ZFP64: variants seen among roughly 807,000 people sequenced by gnomAD.
ZFP64 encodes the protein zinc finger protein 64.
In ZFP64, 14 loss-of-function variants were observed where a neutral mutation model predicts 51.6. That is an observed-to-expected ratio of 0.27 (90% CI 0.18 to 0.42). The LOEUF (loss-of-function observed/expected upper bound fraction) is 0.42. Among genes scored for constraint, ZFP64 ranks in the 10% least tolerant of loss-of-function variants. ZFP64 has a pLI of 1.00. For missense variants in ZFP64, 754 were observed against 906.8 expected (o/e 0.83, Z 2.16); for synonymous variants, 375 against 361.4 (o/e 1.04, Z -0.43).
At chr20:52,096,271 G>T (rs554134246) in intron 7 of ZFP64, among the ~76,000 whole-genome samples, 2 of 152,282 alleles carry the variant, frequency 1.3e-5, no homozygotes, top group African/African-American at 4.8e-5. Context: ...GGTCACAAGG[G>T]CCGCTGCTTC....
chr20:52,178,493 A>G (rs186577826), intron 2 of ZFP64, among the ~76,000 whole-genome samples: 6 of 152,308 alleles, frequency 3.9e-5, no homozygotes, highest in Non-Finnish European at 2.9e-5. Context: ...AGAATTTGCT[A>G]TTATTGTTTC....
chr20:52,102,262 G>T (rs933413955), intron 5 of ZFP64, among the ~76,000 whole-genome samples: 2 of 152,274 alleles, frequency 1.3e-5, no homozygotes, highest in Admixed American at 1.3e-4. Context: ...ACGTCAGCGT[G>T]TATCAGAATT....
chr20:52,100,809 A>T (rs2079042552), intron 5 of ZFP64, among the ~76,000 whole-genome samples: 1 of 152,212 alleles, frequency 6.6e-6, no homozygotes, highest in Non-Finnish European at 1.5e-5. Context: ...GCAAAAGGAG[A>T]TTACATGCCT....
intron 5 of ZFP64, among the ~76,000 whole-genome samples, chr20:52,103,213 CTCAG>C (rs2079072247): frequency 6.6e-6 from 1 of 152,158 alleles, no homozygotes; most frequent in Non-Finnish European, 1.5e-5. Context: ...ATGATGTTCC[CTCAG>C]TAAGGTTCCT....
Position 52,085,097 on chromosome 20 carries a change from G to A in ZFP64, c.1398C>T (p.Thr466=), listed in dbSNP as rs1294970852. The A allele has an allele frequency of 3.1e-6, 5 of 1,614,268 alleles. No homozygotes were observed. Among genetic ancestry groups the A allele is most frequent in the Non-Finnish European group, 4.2e-6 (5 of 1,180,056 alleles). The stretch of plus-strand genomic sequence containing the variant: ...GGAAGGCACAGTGCAGACATTTGAA[G>A]GTGTGCTTGATGCGGATGTGCGATT... The change falls in exon 9 of 9, where the codon ACC becomes ACT. Residue 466 remains threonine (T), a synonymous_variant. Transcript: ENST00000361387. The surrounding 1 kb of genome is among the most constrained non-coding windows in gnomAD (Gnocchi z 4.3).
chr20:52,084,707 T>A lies in ZFP64; in HGVS notation c.1788A>T (p.Arg596Ser), dbSNP rs747079054. 3 of 1,614,218 alleles carry A rather than the reference T, an allele frequency of 1.9e-6. No individual in the cohort carries two copies. In the East Asian group the frequency reaches 6.7e-5, roughly 36 times the overall value. The stretch of plus-strand genomic sequence containing the variant: ...GATCACTGTGCTGCTTCTTGTGGCA[T>A]CTCAGAGAGTCATCCCTGACGAAGG... Residue 596 changes from arginine to serine, a missense_variant, in exon 9 of 9, where the codon AGA (arginine) becomes AGT (serine). Arg to Ser is a moderately radical substitution (Grantham distance 110, BLOSUM62 -1). Transcript: ENST00000361387.
rs2078853636 is a variant in ZFP64 at position 52,085,373 on chromosome 20, A to AAC, written c.1229-109_1229-108dup. The AAC allele has an allele frequency of 8.2e-7, 1 of 1,219,310 alleles. No individual in the cohort carries two copies. The highest frequency in any genetic ancestry group is 1.1e-6 in the Non-Finnish European group (1 of 886,844). 75.5% of individuals were successfully genotyped at this position (1,219,310 alleles called of 1,614,324 possible). A position where few individuals can be genotyped will look rare whatever the true frequency, so the allele number is the denominator to read the frequency against. The stretch of plus-strand genomic sequence containing the variant: ...CGCCATGAGATGGTTGGGTTTTGTG[A>AAC]ACTCTAAACCCAACCTCCTAATGAC... On this transcript the variant is annotated intron_variant, in intron 8 of 8. Coordinates refer to the ZFP64 transcript ENST00000361387. The surrounding 1 kb of genome is among the most constrained non-coding windows in gnomAD (Gnocchi z 4.3).
chr20:52,152,253 C>A lies in ZFP64; in HGVS notation c.1939G>T (p.Val647Phe). 1 of 1,614,192 alleles carries A rather than the reference C, an allele frequency of 6.2e-7. No homozygotes were observed. The highest frequency in any genetic ancestry group is 8.5e-7 in the Non-Finnish European group (1 of 1,180,036). ...NIAVATTAPP[V>F]FSSSSQQELP... ...TCTTGCTGGGAAGAGGAGGAGAAGA[C>A]CGGTGGCGCTGTGGTGGCCACTGCG... The change falls in exon 6 of 6, where the codon GTC becomes TTC. Residue 647 changes from valine to phenylalanine, a missense_variant. Physicochemically the swap from Val to Phe is conservative, Grantham distance 50. This residue lies in a region of ZFP64 where 428 missense variants were observed against 472.4 expected (regional missense o/e 0.91). Transcript: ENST00000216923.
At chr20:52,108,737 G>A (rs1031042535) in intron 5 of ZFP64, among the ~76,000 whole-genome samples, 2 of 151,770 alleles carry the variant, frequency 1.3e-5, no homozygotes, top group African/African-American at 4.8e-5. Context: ...CTCGAACCCT[G>A]GCCTCAAGCA....
Position 52,191,699 on chromosome 20 carries a change from G to T in ZFP64, c.-63C>A. The T allele has an allele frequency of 6.5e-7, 1 of 1,532,830 alleles. No homozygotes were observed. The allele number at this position is 1,532,830 out of a possible 1,614,324, so 95.0% of individuals were successfully genotyped here. On this transcript the variant is annotated 5_prime_UTR_variant, in exon 1 of 6. Transcript: ENST00000216923. This position sits in a 1 kb window ranked among gnomAD's most constrained non-coding sequence, Gnocchi z 4.3. ...CAAAGTGGGGGACGCTGATCTACAT[G>T]GTGCAAGGACTTTTCCTTTTATTTT...
intron 5 of ZFP64, among the ~76,000 whole-genome samples, chr20:52,144,534 C>T (rs113585139): frequency 9.9e-5 from 13 of 130,818 alleles, no homozygotes; most frequent in South Asian, 2.3e-4. Flanking sequence ...GAGCCGAGAT[C>T]GCGCCACTGC....
At chr20:52,158,383 T>C (rs1218514615) in intron 5 of ZFP64, among the ~76,000 whole-genome samples, 2 of 152,144 alleles carry the variant, frequency 1.3e-5, no homozygotes, top group Non-Finnish European at 2.9e-5. Context: ...ACGGTGGGGA[T>C]AAAGGCGGAC....
intron 5 of ZFP64, among the ~76,000 whole-genome samples, chr20:52,112,097 A>AC (rs1978622985): frequency 1.4e-5 from 2 of 139,578 alleles, no homozygotes; most frequent in African/African-American, 5.1e-5. Flanking sequence ...AAAAAAAAAA[A>AC]AAACAAAAAA....
chr20:52,099,246 G>GA (rs1455691806), intron 5 of ZFP64, among the ~76,000 whole-genome samples: 3 of 152,080 alleles, frequency 2.0e-5, no homozygotes, highest in African/African-American at 7.2e-5. Context: ...AGAATTAGGG[G>GA]AGAGGTGGAA....
At chr20:52,183,791 CTTTGCTTA>C (rs1231319497) in intron 2 of ZFP64, among the ~76,000 whole-genome samples, 1 of 152,144 alleles carries the variant, frequency 6.6e-6, no homozygotes, top group Non-Finnish European at 1.5e-5. Context: ...ACCCACAAAA[CTTTGCTTA>C]TTGCCAAAAA....
At chr20:52,090,456 A>G (rs1234076775) in intron 7 of ZFP64, among the ~76,000 whole-genome samples, 1 of 152,208 alleles carries the variant, frequency 6.6e-6, no homozygotes, top group Admixed American at 6.6e-5. Flanking sequence ...AGAAAATACT[A>G]CAATGGAAAA....
rs570944259 is a variant in ZFP64 at position 52,092,368 on chromosome 20, C to A, written c.977-3725G>T. 2.1e-5 allele frequency among the ~76,000 whole-genome samples: 3 copies of A among 145,622 alleles called. No homozygotes were observed. In the South Asian group the frequency reaches 7.9e-4, roughly 38 times the overall value. On this transcript the variant is annotated intron_variant, in intron 7 of 8. Coordinates refer to the ZFP64 transcript ENST00000361387. ...ATCGAAGATGTCTCCAGACATTGTT[C>A]CCTTGGGGGGTGAAATCATACCTAG... is the stretch of plus-strand genomic sequence containing the variant.
chr20:52,184,835 C>G (rs118049525), intron 2 of ZFP64, among the ~76,000 whole-genome samples: 2 of 151,980 alleles, frequency 1.3e-5, no homozygotes, highest in Admixed American at 6.6e-5. Context: ...GCTATGTTGA[C>G]GAGGCTGGTC....
chr20:52,147,633 G>C (rs1184449257), downstream of ZFP64, among the ~76,000 whole-genome samples: 1 of 151,886 alleles, frequency 6.6e-6, no homozygotes, highest in Non-Finnish European at 1.5e-5. Flanking sequence ...CTTTAATATA[G>C]ACAAATATAC....
Sources: allele counts gnomAD v4.1 joint callset (sites outside exome capture counted in the v4.1 genomes callset), GRCh38; gene constraint gnomAD v4.1.1; regional missense constraint gnomAD v4.1.1; non-coding constraint Gnocchi (gnomAD v3.1); transcripts MANE v1.5; gene names NCBI Gene and HGNC (gene_info 2026-07-23, HGNC 2026-07-21).